The following RNF214 variants were observed in gnomAD, a reference collection of about 807,000 sequenced individuals.
RNF214 encodes the protein ring finger protein 214.
RNF214 carries 25 observed loss-of-function variants against 75.9 expected under a neutral mutation model. The observed-to-expected ratio is 0.33, with a 90% CI of 0.24 to 0.46. The LOEUF (loss-of-function observed/expected upper bound fraction) is 0.46. Among genes scored for constraint, RNF214 ranks in the 20% least tolerant of loss-of-function variants. The pLI is 1.00. For missense variants in RNF214, 725 were observed against 857.5 expected (o/e 0.85, Z 1.93); for synonymous variants, 314 against 308.8 (o/e 1.02, Z -0.18).
At chr11:117,241,626 T>C (rs2033082512) in intron 4 of RNF214, among the ~76,000 whole-genome samples, 1 of 152,220 alleles carries the variant, frequency 6.6e-6, no homozygotes, top group South Asian at 2.1e-4. Context: ...TTGAGCTTTA[T>C]GGAATAAATC....
intron 5 of RNF214, among the ~76,000 whole-genome samples, 175 bp downstream of exon 5, chr11:117,244,760 G>A (rs1371220445): frequency 6.6e-6 from 1 of 151,640 alleles, no homozygotes; most frequent in East Asian, 2.0e-4. Flanking sequence ...CTGTCTCCTG[G>A]GCTTAAGTGA....
chr11:117,280,255 C>G lies in RNF214; in HGVS notation c.1141C>G (p.Leu381Val), dbSNP rs1591842367. 6.3e-7 allele frequency: 1 copy of G among 1,578,266 alleles called. No individual in the cohort carries two copies. The highest frequency in any genetic ancestry group is 1.7e-5 in the Admixed American group (1 of 59,932). Residue 381 changes from leucine (L) to valine (V), a missense_variant, in exon 8 of 15, where the codon CTC becomes GTC. Coordinates refer to ENST00000300650, the MANE Select transcript of RNF214 (RefSeq NM_207343.4). ...AGAGGCAGAATTGCACCTTACTTACCTCAAGTAAGTACCTTTCCGTTCTAG... is the reference window on the plus strand; with the variant it reads ...AGAGGCAGAATTGCACCTTACTTACGTCAAGTAAGTACCTTTCCGTTCTAG... ...EKEAELHLTY[L>V]KSTPPTLETV...
At chr11:117,252,734 A>G (rs545340716) in intron 6 of RNF214, among the ~76,000 whole-genome samples, 3 of 151,730 alleles carry the variant, frequency 2.0e-5, no homozygotes, top group Admixed American at 2.0e-4. Flanking sequence ...GTTAGCCAGG[A>G]TGGTCTCGCT....
chr11:117,247,034 T>C (rs975463721), intron 6 of RNF214, 86 bp downstream of exon 6: 1 of 1,111,300 alleles, frequency 9.0e-7, no homozygotes, highest in African/African-American at 1.6e-5. Flanking sequence ...TTTCTTTCCC[T>C]TCGGTTTAAT....
chr11:117,238,963 C>A lies in RNF214; in HGVS notation c.470C>A (p.Thr157Asn). 1.2e-6 allele frequency: 2 copies of A among 1,614,166 alleles called. No homozygotes were observed. The highest frequency in any genetic ancestry group is 2.2e-5 in the South Asian group (2 of 91,090). ...RNCSEEKSPQ[T>N]SILKEGNRDT... ...TGCTCTGAAGAGAAATCCCCACAAA[C>A]CTCCATCCTAAAGGAAGGTAACAGG... The change falls in exon 3 of 15, where the codon ACC (threonine) becomes AAC (asparagine). Residue 157 changes from threonine to asparagine, a missense_variant. Coordinates refer to ENST00000300650, the MANE Select transcript of RNF214 (RefSeq NM_207343.4).
In RNF214 at chr11:117,275,144, A is replaced by G. The variant is rs557734678; in HGVS notation, c.960-4764A>G. ...ACCTATAGAAATTAGAAATTAAACA[A>G]CCTGTCCTGAATGATCTTTGAGTTA... On this transcript the variant is annotated intron_variant, in intron 6 of 14. Transcript: ENST00000300650. 5.9e-5 allele frequency among the ~76,000 whole-genome samples: 9 copies of G among 152,334 alleles called. No homozygotes were observed. In the South Asian group the frequency reaches 1.7e-3, roughly 28 times the overall value.
chr11:117,273,998 C>T (rs1035548645), intron 6 of RNF214, among the ~76,000 whole-genome samples: 5 of 152,082 alleles, frequency 3.3e-5, no homozygotes, highest in Non-Finnish European at 5.9e-5. Context: ...ACTTTAATCT[C>T]GTAGCAGGGT....
At chr11:117,257,291 G>C (rs575767332) in intron 6 of RNF214, among the ~76,000 whole-genome samples, 2 of 152,164 alleles carry the variant, frequency 1.3e-5, no homozygotes, top group Non-Finnish European at 1.5e-5. Context: ...AGCCATGACT[G>C]TGCCACTGCA....
intron 6 of RNF214, among the ~76,000 whole-genome samples, chr11:117,272,951 A>T (rs935854532): frequency 6.6e-6 from 1 of 152,206 alleles, no homozygotes. Context: ...ACCAGAAATT[A>T]AAACTGAGAA....
chr11:117,240,764 G>A (rs906248770), intron 4 of RNF214, among the ~76,000 whole-genome samples: 6 of 152,090 alleles, frequency 3.9e-5, no homozygotes, highest in South Asian at 2.1e-4. Context: ...GCTTCAGGCC[G>A]GGCGCGGTGA....
intron 6 of RNF214, among the ~76,000 whole-genome samples, chr11:117,255,281 A>G (rs180688844): frequency 6.6e-6 from 1 of 152,160 alleles, no homozygotes; most frequent in African/African-American, 2.4e-5. Flanking sequence ...CTGTCCTTGT[A>G]TCTGAGTCTA....
At chr11:117,276,103 T>C (rs1405639420) in intron 6 of RNF214, among the ~76,000 whole-genome samples, 3 of 152,130 alleles carry the variant, frequency 2.0e-5, no homozygotes, top group Admixed American at 6.6e-5. Flanking sequence ...TCAATAAATG[T>C]GATTCACCAC....
Position 117,281,322 on chromosome 11 carries a change from C to T in RNF214, c.1154C>T (p.Pro385Leu), listed in dbSNP as rs370053483. ...TGTTGGTTTCTTGAAAGGTCAACTC[C>T]CCCAACACTGGAGACAGTTCGTTCC... ...ELHLTYLKST[P>L]PTLETVRSKQ... Residue 385 changes from proline to leucine, a missense_variant, in exon 9 of 15, where the codon CCC becomes CTC. Physicochemically the swap from Pro to Leu is moderately conservative, Grantham distance 98 (BLOSUM62 -3). Around this residue, in one of 2 missense-constraint regions of RNF214, gnomAD observed 363 missense variants for 513.0 expected, o/e 0.71. Transcript: ENST00000300650. 2 of 1,611,926 alleles carry T rather than the reference C, an allele frequency of 1.2e-6. No individual in the cohort carries two copies. The highest frequency in any genetic ancestry group is 2.7e-5 in the African/African-American group (2 of 74,762).
At chr11:117,245,726 TATTGAC>T (rs2033205041) in intron 5 of RNF214, among the ~76,000 whole-genome samples, 1 of 152,188 alleles carries the variant, frequency 6.6e-6, no homozygotes, top group Non-Finnish European at 1.5e-5. Context: ...GATCGATACT[TATTGAC>T]AATACATTCA....
At chr11:117,242,150 C>A (rs570105229) in intron 4 of RNF214, among the ~76,000 whole-genome samples, 79 of 152,234 alleles carry the variant, frequency 5.2e-4, no homozygotes, top group African/African-American at 1.9e-3. Context: ...CCTTTTGTGG[C>A]TAAAACTTCC....
chr11:117,238,712 T>C lies in RNF214; in HGVS notation c.219T>C (p.Asn73=). Residue 73 remains asparagine, a synonymous_variant, in exon 3 of 15, where the codon AAT becomes AAC. Transcript: ENST00000300650. ...RNVHLEHSEQ[N]PGSSAGDTSA... Reference sequence around the variant, plus strand: ...TCCATTTGGAGCACTCAGAGCAGAATCCTGGTTCATCAGCAGGTGACACCT... The same window carrying C: ...TCCATTTGGAGCACTCAGAGCAGAACCCTGGTTCATCAGCAGGTGACACCT... 6.2e-7 allele frequency: 1 copy of C among 1,614,196 alleles called. No individual in the cohort carries two copies. The highest frequency in any genetic ancestry group is 1.3e-5 in the African/African-American group (1 of 75,052).
At position 117,238,890 on chromosome 11, in the gene RNF214, C is replaced by G. The variant is rs1211221981; in HGVS notation, c.397C>G (p.Arg133Gly). 1.9e-6 allele frequency: 3 copies of G among 1,614,144 alleles called. No homozygotes were observed. The highest frequency in any genetic ancestry group is 2.5e-6 in the Non-Finnish European group (3 of 1,180,034). The change falls in exon 3 of 15, where the codon CGG (arginine) becomes GGG (glycine). Residue 133 changes from arginine to glycine, a missense_variant. Physicochemically the swap from Arg to Gly is moderately radical, Grantham distance 125 (BLOSUM62 -2). Transcript: ENST00000300650. ...SLRESLHPVTRSLKAGCHTKQ... is the reference protein window; with the variant it reads ...SLRESLHPVTGSLKAGCHTKQ... ...TCGGGAGAGCCTCCATCCAGTCACT[C>G]GGTCTCTTAAGGCAGGGTGCCATAC...
At chr11:117,283,266 A>G (rs1464746139) in intron 14 of RNF214, 56 bp downstream of exon 14, 1 of 1,220,092 alleles carries the variant, frequency 8.2e-7, no homozygotes, top group Non-Finnish European at 1.2e-6. Context: ...CAGCTAAAAT[A>G]ATTTTTCTTT....
intron 6 of RNF214, among the ~76,000 whole-genome samples, chr11:117,262,453 C>T (rs919054486): frequency 6.6e-6 from 1 of 152,096 alleles, no homozygotes; most frequent in Non-Finnish European, 1.5e-5. Context: ...TGTCATAGCT[C>T]ACTGGAGCCT....
Sources: allele counts gnomAD v4.1 joint callset (sites outside exome capture counted in the v4.1 genomes callset), GRCh38; gene constraint gnomAD v4.1.1; regional missense constraint gnomAD v4.1.1; transcripts MANE v1.5; gene names NCBI Gene and HGNC (gene_info 2026-07-23, HGNC 2026-07-21).